The following UNC80 variants were observed in gnomAD, a reference collection of about 807,000 sequenced individuals.
UNC80 encodes the protein unc-80 subunit of NALCN channel complex.
UNC80 carries 164 observed loss-of-function variants against 384.6 expected under a neutral mutation model. The ratio of observed to expected loss-of-function variants is 0.43; its 90% confidence interval spans 0.38 to 0.49. The LOEUF (loss-of-function observed/expected upper bound fraction) is 0.49. UNC80 is among the 20% of genes least tolerant of loss of function. The pLI, the probability that UNC80 is intolerant of heterozygous loss-of-function variation, is 0.00. For missense variants in UNC80, 3,330 were observed against 4,143.0 expected (o/e 0.80, Z 5.39); for synonymous variants, 1,486 against 1,527.8 (o/e 0.97, Z 0.64).
At position 209,918,724 on chromosome 2, in the gene UNC80, G is replaced by T. The variant is rs150295843; in HGVS notation, c.5343+61G>T. On this transcript the variant is annotated intron_variant, in intron 33 of 64. Transcript: ENST00000673920. Reference sequence around the variant, plus strand: ...GTGTAAAAGAGAACAATTAATATTTGTGGTAATTTGTTCATTCTCATCATA... The same window carrying T: ...GTGTAAAAGAGAACAATTAATATTTTTGGTAATTTGTTCATTCTCATCATA... The T allele has an allele frequency of 7.7e-5, 111 of 1,439,604 alleles. No individual in the cohort carries two copies. In the East Asian group the frequency reaches 2.3e-3, roughly 30 times the overall value. The allele number at this position is 1,439,604 out of a possible 1,614,324, so 89.2% of individuals were successfully genotyped here.
At chr2:209,888,328 G>T in intron 26 of UNC80, 68 bp downstream of exon 26, 4 of 1,487,728 alleles carry the variant, frequency 2.7e-6, no homozygotes, top group Non-Finnish European at 3.6e-6. Flanking sequence ...TTGCACTAGG[G>T]TCTAAACTAC....
chr2:209,853,689 A>G (rs937606182), intron 22 of UNC80, among the ~76,000 whole-genome samples: 8 of 152,120 alleles, frequency 5.3e-5, no homozygotes, highest in Non-Finnish European at 7.4e-5. Context: ...AGGTATGTCT[A>G]CTTCCTATAT....
At chr2:209,942,555 A>G (rs2091697783) in intron 44 of UNC80, among the ~76,000 whole-genome samples, 1 of 152,308 alleles carries the variant, frequency 6.6e-6, no homozygotes, top group Middle Eastern at 3.4e-3. Flanking sequence ...GGCTCATCCT[A>G]GTTCTCTATT....
chr2:209,813,913 A>G (rs1211187722), intron 8 of UNC80, 72 bp downstream of exon 8: 5 of 1,506,996 alleles, frequency 3.3e-6, no homozygotes, highest in East Asian at 4.9e-5. Flanking sequence ...TTCTCTGTGC[A>G]TCCAGCTCTT....
intron 9 of UNC80, 97 bp downstream of exon 9, chr2:209,815,488 T>C: frequency 4.4e-6 from 6 of 1,353,726 alleles, no homozygotes; most frequent in Non-Finnish European, 6.0e-6. Flanking sequence ...TGGGGTGAGG[T>C]GGGAAAGGGA....
chr2:209,838,749 C>T (rs1277075356), intron 18 of UNC80, among the ~76,000 whole-genome samples: 2 of 151,998 alleles, frequency 1.3e-5, no homozygotes, highest in Non-Finnish European at 2.9e-5. Flanking sequence ...ATCACGAGGT[C>T]AGGAGATTGA....
chr2:209,821,601 A>G (rs1003940192), intron 13 of UNC80, among the ~76,000 whole-genome samples: 4 of 152,180 alleles, frequency 2.6e-5, no homozygotes, highest in Admixed American at 6.5e-5. Flanking sequence ...TCATGTCTCA[A>G]TGTGGCACAT....
intron 63 of UNC80, 22 bp downstream of exon 63, chr2:209,993,448 C>A: frequency 6.5e-7 from 1 of 1,541,030 alleles, no homozygotes; most frequent in Non-Finnish European, 8.8e-7. Context: ...TGTGTCCCTT[C>A]TGACTATACC....
At chr2:209,924,925 T>C (rs953758867) in intron 35 of UNC80, among the ~76,000 whole-genome samples, 1 of 152,030 alleles carries the variant, frequency 6.6e-6, no homozygotes, top group Non-Finnish European at 1.5e-5. Flanking sequence ...TTGAGGCTTT[T>C]AGGGGGCTCC....
At chr2:209,899,657 C>T (rs2087174268) in intron 28 of UNC80, among the ~76,000 whole-genome samples, 1 of 151,748 alleles carries the variant, frequency 6.6e-6, no homozygotes, top group Admixed American at 6.6e-5. Context: ...CCTCTACACA[C>T]ACCTTTTAAT....
chr2:209,963,157 C>T (rs1407645039), intron 51 of UNC80, among the ~76,000 whole-genome samples: 1 of 152,216 alleles, frequency 6.6e-6, no homozygotes, highest in Admixed American at 6.5e-5. Context: ...ATTTGTCCAA[C>T]CCAGTGCTGC....
intron 60 of UNC80, 64 bp downstream of exon 60, chr2:209,982,381 A>G (rs2093178236): frequency 2.1e-6 from 3 of 1,455,046 alleles, no homozygotes; most frequent in Non-Finnish European, 1.8e-6. Context: ...CTGAAAATAC[A>G]CTCCTGTTAT....
intron 25 of UNC80, among the ~76,000 whole-genome samples, chr2:209,883,577 C>T (rs1448987331): frequency 1.3e-5 from 2 of 151,866 alleles, no homozygotes; most frequent in Non-Finnish European, 2.9e-5. Flanking sequence ...ACTACAGACG[C>T]CCACCACCAT....
intron 23 of UNC80, among the ~76,000 whole-genome samples, chr2:209,875,311 C>T (rs969474474): frequency 6.6e-6 from 1 of 152,178 alleles, no homozygotes; most frequent in African/African-American, 2.4e-5. Context: ...AACTGCTTAG[C>T]CTGCCATCAC....
intron 47 of UNC80, among the ~76,000 whole-genome samples, chr2:209,947,492 C>A (rs1206089720): frequency 6.6e-6 from 1 of 152,116 alleles, no homozygotes; most frequent in East Asian, 1.9e-4. Flanking sequence ...CAATCAAATT[C>A]CCTTGTCATT....
chr2:209,844,449 T>TC, intron 21 of UNC80, among the ~76,000 whole-genome samples: 1 of 93,270 alleles, frequency 1.1e-5, no homozygotes, highest in Admixed American at 9.9e-5. Context: ...CTTGCTCTTT[T>TC]CTTTTCTTTC....
chr2:209,801,907 T>C (rs1278993295), intron 7 of UNC80, among the ~76,000 whole-genome samples: 1 of 152,176 alleles, frequency 6.6e-6, no homozygotes, highest in Non-Finnish European at 1.5e-5. Context: ...AATGTATATG[T>C]CTTTGTGTCT....
intron 29 of UNC80, among the ~76,000 whole-genome samples, chr2:209,909,024 A>G (rs1574975564): frequency 2.0e-5 from 3 of 152,216 alleles, no homozygotes; most frequent in African/African-American, 4.8e-5. Flanking sequence ...AAGAAGAAAT[A>G]TATAAATACC....
chr2:209,790,842 T>C (rs2077750537), intron 6 of UNC80, among the ~76,000 whole-genome samples: 2 of 152,180 alleles, frequency 1.3e-5, no homozygotes, highest in Admixed American at 1.3e-4. Flanking sequence ...TGTGCCTAAA[T>C]AAATGTAAAA....
Sources: gnomAD v4.1 joint callset for allele counts (sites outside exome capture counted in the v4.1 genomes callset) on GRCh38, gnomAD v4.1.1 for gene constraint, MANE v1.5 for transcripts, NCBI Gene and HGNC (gene_info 2026-07-23, HGNC 2026-07-21) for gene names.